AFF4: variants seen among roughly 807,000 people sequenced by gnomAD.
AFF4 encodes the protein ALF transcription elongation factor 4, also known as AF4/FMR2 family member 4.
AFF4 carries 13 observed loss-of-function variants against 124.8 expected under a neutral mutation model. That is an observed-to-expected ratio of 0.10 (90% CI 0.07 to 0.17). The LOEUF (loss-of-function observed/expected upper bound fraction) is 0.17, where lower values mean the gene tolerates loss of function less well. Ranked by LOEUF, AFF4 falls within the 10% of genes least tolerant of loss-of-function variation. The pLI is 1.00. For synonymous variants in AFF4, 477 were observed against 496.1 expected (o/e 0.96, Z 0.51); for missense variants, 1,092 against 1,403.8 (o/e 0.78, Z 3.55).
intron 1 of AFF4, among the ~76,000 whole-genome samples, chr5:132,958,465 CAAAA>C (rs34337170): frequency 1.1e-4 from 6 of 55,708 alleles, no homozygotes; most frequent in Middle Eastern, 0.017. Context: ...GACCCTGTCT[CAAAA>C]AAAAAAAAAA....
chr5:132,923,685 A>G (rs1286911695), intron 5 of AFF4, among the ~76,000 whole-genome samples: 1 of 152,178 alleles, frequency 6.6e-6, no homozygotes, highest in African/African-American at 2.4e-5. Context: ...TGATCACACC[A>G]CTGTACTCCA....
At chr5:132,918,567 C>G (rs868673205) in intron 5 of AFF4, among the ~76,000 whole-genome samples, 1 of 152,112 alleles carries the variant, frequency 6.6e-6, no homozygotes, top group Admixed American at 6.6e-5. Flanking sequence ...GAGGCTGAGG[C>G]AGGAGAATCG....
At chr5:132,945,472 C>T (rs1272775029) in intron 1 of AFF4, 1 of 152,360 alleles carries the variant, frequency 6.6e-6, no homozygotes, top group East Asian at 1.9e-4. Flanking sequence ...ACAAACAACA[C>T]TGGGCATGGT....
chr5:132,929,317 A>G (rs1238708125), intron 4 of AFF4, among the ~76,000 whole-genome samples: 1 of 152,240 alleles, frequency 6.6e-6, no homozygotes, highest in Non-Finnish European at 1.5e-5. Flanking sequence ...CTGAGCACCT[A>G]TTAACTAAAG....
At chr5:132,929,927 G>A (rs888537809) in intron 4 of AFF4, among the ~76,000 whole-genome samples, 7 of 152,040 alleles carry the variant, frequency 4.6e-5, no homozygotes, top group African/African-American at 9.7e-5. Flanking sequence ...AGCTCAAGGC[G>A]GCAGAAACGG....
chr5:132,896,332 C>A lies in AFF4; in HGVS notation c.2298G>T (p.Arg766Ser). ...ASEKVSNKGKRKHKNEDDNRA... is the reference protein window; with the variant it reads ...ASEKVSNKGKSKHKNEDDNRA... ...AAAACCCTTCACAAACCTTATGCTT[C>A]CTCTTGCCTTTGTTGGAAACTTTTT... Residue 766 changes from arginine (R) to serine (S), a missense_variant, in exon 11 of 21, where the codon AGG (arginine) becomes AGT (serine). Arg to Ser is a moderately radical substitution (Grantham distance 110). This residue lies in a region of AFF4 where 293 missense variants were observed against 280.2 expected (regional missense o/e 1.05). Coordinates refer to ENST00000265343, the MANE Select transcript of AFF4 (RefSeq NM_014423.4). 5 of 1,590,240 alleles carry A rather than the reference C, an allele frequency of 3.1e-6. No homozygotes were observed. Among genetic ancestry groups the A allele is most frequent in the Non-Finnish European group, 4.3e-6 (5 of 1,173,262 alleles).
intron 11 of AFF4, among the ~76,000 whole-genome samples, chr5:132,893,694 G>A (rs1760319767): frequency 6.6e-6 from 1 of 152,032 alleles, no homozygotes; most frequent in East Asian, 1.9e-4. Flanking sequence ...TGGCCAGGAT[G>A]GTCTCAATCT....
In AFF4 at chr5:132,959,239, C is replaced by T. The variant is rs539787888; in HGVS notation, c.-5+4020G>A. Among the ~76,000 whole-genome samples the T allele has an allele frequency of 2.4e-4, 36 of 151,894 alleles. No individual in the cohort carries two copies. In the South Asian group the frequency reaches 5.4e-3, roughly 23 times the overall value. On this transcript the variant is annotated intron_variant, in intron 1 of 20. Transcript: ENST00000265343. ...CTCCCAGGTTCAAGCGATTCTCCTG[C>T]CTCAGCCTCCCAAGTAGCTGGGACT...
rs142495906 is a variant in AFF4, at chr5:132,888,720, C to T, written c.2732+359G>A. On this transcript the variant is annotated intron_variant, in intron 14 of 20. Coordinates refer to ENST00000265343, the MANE Select transcript of AFF4 (RefSeq NM_014423.4). ...TGATAGATTTTTTTTTTTTTTGAGACGGAGTCTCGCTCTGTTGCCCAGGCG... is the reference window on the plus strand; with the variant it reads ...TGATAGATTTTTTTTTTTTTTGAGATGGAGTCTCGCTCTGTTGCCCAGGCG... Among the ~76,000 whole-genome samples, 346 of 150,210 alleles carry T rather than the reference C, an allele frequency of 2.3e-3. 7 individuals carry two copies. Among genetic ancestry groups the T allele is most frequent in the Admixed American group, 0.016 (241 of 15,106 alleles).
intron 5 of AFF4, among the ~76,000 whole-genome samples, chr5:132,912,221 T>C (rs1760807712): frequency 6.6e-6 from 1 of 150,620 alleles, no homozygotes; most frequent in Non-Finnish European, 1.5e-5. Flanking sequence ...GGCAGGCACT[T>C]GTAATCCCAG....
intron 5 of AFF4, among the ~76,000 whole-genome samples, chr5:132,924,541 G>C (rs1259852857): frequency 6.6e-6 from 1 of 152,066 alleles, no homozygotes; most frequent in African/African-American, 2.4e-5. Context: ...GGTTATACAG[G>C]TGCACATATC....
chr5:132,958,085 T>G (rs1037821046), intron 1 of AFF4, among the ~76,000 whole-genome samples: 1 of 152,168 alleles, frequency 6.6e-6, no homozygotes, highest in Non-Finnish European at 1.5e-5. Flanking sequence ...TGCGTGTTAC[T>G]TTTTTTAGTG....
chr5:132,892,046 G>GACATAGGCCTATATATTT, intron 13 of AFF4, 118 bp downstream of exon 13: 1 of 1,434,494 alleles, frequency 7.0e-7, no homozygotes, highest in Non-Finnish European at 9.7e-7. Context: ...GAGGGTAAAA[G>GACATAGGCCTATATATTT]ACATAGGCCT....
At chr5:132,883,598 T>C in intron 19 of AFF4, 38 bp from the exon 20 acceptor site, 1 of 1,579,202 alleles carries the variant, frequency 6.3e-7, no homozygotes, top group Non-Finnish European at 8.7e-7. Context: ...CATATGGACA[T>C]GGTAAGCATT....
chr5:132,885,670 G>C (rs969680601), intron 18 of AFF4, among the ~76,000 whole-genome samples: 11 of 152,140 alleles, frequency 7.2e-5, no homozygotes, highest in Non-Finnish European at 1.5e-4. Flanking sequence ...CATAATCAGA[G>C]GCAGATTTTA....
intron 20 of AFF4, among the ~76,000 whole-genome samples, chr5:132,883,005 T>C (rs573714490): frequency 5.2e-4 from 79 of 152,356 alleles, no homozygotes; most frequent in African/African-American, 1.7e-3. Flanking sequence ...CTTATGCCTA[T>C]TGCCAAATTT....
intron 5 of AFF4, among the ~76,000 whole-genome samples, chr5:132,912,855 ACAC>A (rs1465025522): frequency 1.2e-5 from 1 of 83,962 alleles, no homozygotes; most frequent in African/African-American, 6.0e-5. Context: ...CACACACACA[ACAC>A]ACACACACAC....
At chr5:132,946,868 TA>T (rs59592848) in intron 1 of AFF4, among the ~76,000 whole-genome samples, 17,537 of 152,258 alleles carry the variant, frequency 0.12, 1,282 homozygotes, top group South Asian at 0.2. Flanking sequence ...ATGCATTCTA[TA>T]ATTTTTTTAT....
rs558761271 is a variant in AFF4, at chr5:132,944,491, C to CA, written c.-4-7299dup. 3.9e-4 allele frequency among the ~76,000 whole-genome samples: 59 copies of CA among 152,048 alleles called. 1 individual carries two copies. Among genetic ancestry groups the CA allele is most frequent in the Admixed American group, 2.4e-3 (36 of 15,282 alleles). ...TGAAACTCCATCTCTACAAAAAATA[C>CA]AAAAAATTAGCTGGGTGTGGTGGCA... On this transcript the variant is annotated intron_variant, in intron 1 of 20. Transcript: ENST00000265343.
Sources: gnomAD v4.1 joint callset for allele counts (sites outside exome capture counted in the v4.1 genomes callset) on GRCh38, gnomAD v4.1.1 for gene constraint, gnomAD v4.1.1 regional missense constraint, MANE v1.5 for transcripts, NCBI Gene and HGNC (gene_info 2026-07-23, HGNC 2026-07-21) for gene names.